Variants in DLGAP2 observed in about 807,000 individuals in gnomAD.
DLGAP2 encodes the protein disks large-associated protein 2.
A neutral mutation model predicts 100.3 loss-of-function variants in DLGAP2; 26 were observed. The ratio of observed to expected loss-of-function variants is 0.26; its 90% CI spans 0.19 to 0.36. The LOEUF (loss-of-function observed/expected upper bound fraction) is 0.36. Among genes scored for constraint, DLGAP2 ranks in the 10% least tolerant of loss-of-function variants. The pLI is 1.00. For synonymous variants in DLGAP2, 886 were observed against 630.1 expected (o/e 1.41, Z -6.08); for missense variants, 1,858 against 1,453.2 (o/e 1.28, Z -4.53).
chr8:864,276 A>T (rs1342431263), intron 1 of DLGAP2, among the ~76,000 whole-genome samples: 1 of 152,170 alleles, frequency 6.6e-6, no homozygotes, highest in Non-Finnish European at 1.5e-5. Context: ...GCTGTGCAGA[A>T]GGGTGACTAC....
rs1432270547 is a variant in DLGAP2, at chr8:1,171,174, C to T, written c.74-87677C>T. 5.9e-5 allele frequency among the ~76,000 whole-genome samples: 9 copies of T among 152,234 alleles called. No individual in the cohort carries two copies. The South Asian group carries it at 6.2e-4, about 11-fold the overall frequency. ...CCTTCAGGAGAAGGTTGTTCAGTTT[C>T]CATGTAGTTGAGCGGTTTTGAGTGA... On this transcript the variant is annotated intron_variant, in intron 2 of 14. Transcript: ENST00000637795.
chr8:800,202 G>A (rs993168446), intron 1 of DLGAP2, among the ~76,000 whole-genome samples: 4 of 152,208 alleles, frequency 2.6e-5, no homozygotes, highest in Non-Finnish European at 4.4e-5. Context: ...CAGGCTCCAG[G>A]CCTGCGTGAG....
chr8:965,216 A>G (rs866155752), intron 2 of DLGAP2, among the ~76,000 whole-genome samples: 17 of 101,958 alleles, frequency 1.7e-4, no homozygotes, highest in South Asian at 6.6e-4. Flanking sequence ...CCTGAGTCTG[A>G]CCCCGCACTG....
intron 3 of DLGAP2, among the ~76,000 whole-genome samples, chr8:1,265,631 G>A (rs1340196439): frequency 6.6e-6 from 1 of 152,234 alleles, no homozygotes; most frequent in Non-Finnish European, 1.5e-5. Context: ...AGCCAGACAA[G>A]TACAGACACT....
At chr8:1,303,351 C>A (rs4324941) in intron 3 of DLGAP2, among the ~76,000 whole-genome samples, 7,348 of 148,952 alleles carry the variant, frequency 0.049, 541 homozygotes, top group African/African-American at 0.16. Flanking sequence ...GAGCCGAGAT[C>A]GCGCCACCGC....
At chr8:1,450,496 G>A (rs11136391) in intron 3 of DLGAP2, among the ~76,000 whole-genome samples, 31,455 of 87,472 alleles carry the variant, frequency 0.36, 8,072 homozygotes, top group East Asian at 0.78. Flanking sequence ...TGAGGTGGGC[G>A]GCCTCGGTGG....
At chr8:1,052,253 T>C (rs774331330) in intron 2 of DLGAP2, among the ~76,000 whole-genome samples, 2 of 152,032 alleles carry the variant, frequency 1.3e-5, no homozygotes, top group Admixed American at 1.3e-4. Context: ...GCCCAGGGGG[T>C]TTTACCTCAT....
intron 2 of DLGAP2, among the ~76,000 whole-genome samples, chr8:1,222,299 A>G (rs1235003909): frequency 6.6e-6 from 1 of 152,142 alleles, no homozygotes; most frequent in African/African-American, 2.4e-5. Context: ...TGACTGTGGT[A>G]TAAGCTGGGC....
chr8:1,074,898 C>A (rs1803556443), intron 2 of DLGAP2, among the ~76,000 whole-genome samples: 1 of 152,166 alleles, frequency 6.6e-6, no homozygotes, highest in Admixed American at 6.5e-5. Context: ...ATGGGGTCAA[C>A]CCAGTGAAAC....
chr8:795,871 C>T (rs76733314), intron 1 of DLGAP2, among the ~76,000 whole-genome samples: 10 of 112,500 alleles, frequency 8.9e-5, no homozygotes, highest in African/African-American at 1.3e-4. Flanking sequence ...TGAGAGCAGG[C>T]GTCCAGTGAG....
chr8:1,212,979 C>A (rs150520692), intron 2 of DLGAP2, among the ~76,000 whole-genome samples: 117 of 152,060 alleles, frequency 7.7e-4, no homozygotes, highest in African/African-American at 2.6e-3. Context: ...TTATTATATG[C>A]CATTGTTGCT....
intron 3 of DLGAP2, among the ~76,000 whole-genome samples, chr8:1,312,574 G>A (rs1800638282): frequency 6.6e-6 from 1 of 152,160 alleles, no homozygotes; most frequent in Non-Finnish European, 1.5e-5. Context: ...TGATTATAGA[G>A]GTTCTATTTG....
Position 1,656,954 on chromosome 8 carries a change from G to A in DLGAP2, c.1811-11375G>A, listed in dbSNP as rs183705179. Among the ~76,000 whole-genome samples, 8 of 152,064 alleles carry A rather than the reference G, an allele frequency of 5.3e-5. No homozygotes were observed. The East Asian group carries it at 1.4e-3, about 26-fold the overall frequency. ...TTCAGTAATTGAATTACAAAGCCCAGGTATGTTTTCATCTATTTCCCTGTA... is the reference window on the plus strand; with the variant it reads ...TTCAGTAATTGAATTACAAAGCCCAAGTATGTTTTCATCTATTTCCCTGTA... On this transcript the variant is annotated intron_variant, in intron 8 of 14. Transcript: ENST00000637795.
chr8:1,601,397 C>T (rs1169018663), intron 6 of DLGAP2, among the ~76,000 whole-genome samples: 3 of 152,230 alleles, frequency 2.0e-5, no homozygotes, highest in Admixed American at 6.5e-5. Flanking sequence ...AGAGCTCGAG[C>T]GCTGTGCTGG....
At chr8:1,275,489 G>C (rs1799664249) in intron 3 of DLGAP2, among the ~76,000 whole-genome samples, 1 of 151,782 alleles carries the variant, frequency 6.6e-6, no homozygotes, top group Admixed American at 6.6e-5. Context: ...TCTCCAGTCA[G>C]ACATCAGCGT....
chr8:926,982 A>G, intron 2 of DLGAP2: 6 of 980,614 alleles, frequency 6.1e-6, no homozygotes, highest in Non-Finnish European at 7.3e-6. Context: ...GAAGCCAGGA[A>G]AAGCCGGGGC....
chr8:1,096,567 G>T (rs1156716614), intron 2 of DLGAP2, among the ~76,000 whole-genome samples: 1 of 151,592 alleles, frequency 6.6e-6, no homozygotes, highest in Non-Finnish European at 1.5e-5. Context: ...GGAGAGTCAA[G>T]CTGGGAGCCT....
At chr8:1,205,717 C>T (rs996573004) in intron 2 of DLGAP2, among the ~76,000 whole-genome samples, 1 of 152,128 alleles carries the variant, frequency 6.6e-6, no homozygotes, top group African/African-American at 2.4e-5. Flanking sequence ...AGGTTCTCAG[C>T]GTCTCCATTT....
In DLGAP2 at chr8:1,057,860, T is replaced by TA. The variant is rs375777011; in HGVS notation, c.73+149904dup. On this transcript the variant is annotated intron_variant, in intron 2 of 14. Transcript: ENST00000637795. The stretch of plus-strand genomic sequence containing the variant: ...GCTTTGATGTTTAAGGCTGGAGAAA[T>TA]AAAAAAAAAAGAGGTTGCATTTCTG... Among the ~76,000 whole-genome samples the TA allele has an allele frequency of 2.8e-3, 420 of 147,684 alleles. 2 individuals are homozygous for TA. The highest frequency in any genetic ancestry group is 9.0e-3 in the African/African-American group (363 of 40,396).
Sources: gnomAD v4.1 joint callset for allele counts (sites outside exome capture counted in the v4.1 genomes callset) on GRCh38, gnomAD v4.1.1 for gene constraint, MANE v1.5 for transcripts, NCBI Gene and HGNC (gene_info 2026-07-23, HGNC 2026-07-21) for gene names.